The following KCNMA1 variants were observed in gnomAD, a reference collection of about 807,000 sequenced individuals.
KCNMA1 encodes the protein Calcium-activated potassium channel subunit alpha-1.
KCNMA1 carries 29 observed loss-of-function variants against 140.0 expected under a neutral mutation model. The ratio of observed to expected loss-of-function variants is 0.21; its 90% CI spans 0.15 to 0.28. The LOEUF is 0.28. KCNMA1 is among the 10% of genes least tolerant of loss of function. The probability of loss-of-function intolerance (pLI) is 1.00; values close to 1 mark genes in which losing one functional copy is unlikely to be tolerated. For synonymous variants in KCNMA1, 612 were observed against 611.9 expected (o/e 1.00, Z 0.00); for missense variants, 880 against 1,602.2 (o/e 0.55, Z 7.70).
chr10:77,629,858 G>A (rs544884006), intron 1 of KCNMA1, among the ~76,000 whole-genome samples: 8 of 152,302 alleles, frequency 5.3e-5, no homozygotes, highest in East Asian at 3.9e-4. Flanking sequence ...AGGCCGCCAC[G>A]ATGCTAGGTC....
At chr10:77,482,691 C>A (rs2098412191) in intron 1 of KCNMA1, among the ~76,000 whole-genome samples, 5 of 152,114 alleles carry the variant, frequency 3.3e-5, no homozygotes, top group Admixed American at 2.6e-4. Context: ...CCACAGAGAA[C>A]AAGAAGAGCT....
At chr10:77,472,834 C>T (rs1426433597) in intron 1 of KCNMA1, among the ~76,000 whole-genome samples, 4 of 152,202 alleles carry the variant, frequency 2.6e-5, no homozygotes, top group Non-Finnish European at 5.9e-5. Context: ...ACAAAGGAGG[C>T]AGGTGGAACC....
intron 7 of KCNMA1, among the ~76,000 whole-genome samples, chr10:77,110,986 A>C (rs978643329): frequency 6.6e-6 from 1 of 152,214 alleles, no homozygotes; most frequent in African/African-American, 2.4e-5. Context: ...AACAGCTTGC[A>C]CTGGCACAGC....
At chr10:77,597,936 C>T (rs544316634) in intron 1 of KCNMA1, among the ~76,000 whole-genome samples, 1 of 152,286 alleles carries the variant, frequency 6.6e-6, no homozygotes, top group South Asian at 2.1e-4. Context: ...TTATCATTGG[C>T]TGCATTCACT....
intron 22 of KCNMA1, among the ~76,000 whole-genome samples, chr10:76,946,850 C>T (rs1029248112): frequency 3.9e-5 from 6 of 152,170 alleles, no homozygotes; most frequent in African/African-American, 1.2e-4. Context: ...ACATAGAAAT[C>T]GCTTATGTTT....
chr10:76,954,769 C>T (rs1453441849), intron 20 of KCNMA1, among the ~76,000 whole-genome samples: 1 of 152,174 alleles, frequency 6.6e-6, no homozygotes, highest in Admixed American at 6.5e-5. Context: ...GCAACATTCG[C>T]CCTCTATTGC....
At chr10:77,470,012 T>C (rs1441200348) in intron 1 of KCNMA1, among the ~76,000 whole-genome samples, 2 of 152,204 alleles carry the variant, frequency 1.3e-5, no homozygotes. Flanking sequence ...CTAACAATGC[T>C]GCCAAGATTC....
At chr10:77,376,137 C>T (rs186184226) in intron 2 of KCNMA1, among the ~76,000 whole-genome samples, 2 of 152,350 alleles carry the variant, frequency 1.3e-5, no homozygotes, top group African/African-American at 4.8e-5. Flanking sequence ...GCTCTTGCTG[C>T]TGGCATGGCC....
intron 1 of KCNMA1, among the ~76,000 whole-genome samples, chr10:77,431,694 A>G (rs1001595937): frequency 9.5e-5 from 7 of 73,496 alleles, no homozygotes; most frequent in African/African-American, 3.4e-4. Flanking sequence ...AAAAAAAAAA[A>G]AAAAAAAAAA....
chr10:77,368,273 G>T (rs2094484511), intron 2 of KCNMA1, among the ~76,000 whole-genome samples: 1 of 152,222 alleles, frequency 6.6e-6, no homozygotes, highest in Non-Finnish European at 1.5e-5. Context: ...GCTTACACTT[G>T]CATTTCCCTA....
chr10:77,628,709 A>G (rs1352420496), intron 1 of KCNMA1, among the ~76,000 whole-genome samples: 2 of 151,982 alleles, frequency 1.3e-5, no homozygotes, highest in African/African-American at 2.4e-5. Flanking sequence ...CCCTTCCCCA[A>G]GTAAAAGTCA....
At chr10:76,908,804 G>C (rs1224579487) in intron 25 of KCNMA1, among the ~76,000 whole-genome samples, 1 of 152,190 alleles carries the variant, frequency 6.6e-6, no homozygotes, top group Non-Finnish European at 1.5e-5. Context: ...TTGAGAATTT[G>C]AGAACTCCAA....
intron 1 of KCNMA1, among the ~76,000 whole-genome samples, chr10:77,457,613 C>T (rs2097782237): frequency 6.6e-6 from 1 of 152,084 alleles, no homozygotes; most frequent in African/African-American, 2.4e-5. Context: ...CTTTTTATCT[C>T]CTTGGACACC....
At chr10:77,323,062 T>C (rs561221868) in intron 2 of KCNMA1, among the ~76,000 whole-genome samples, 16 of 152,328 alleles carry the variant, frequency 1.1e-4, no homozygotes, top group Non-Finnish European at 2.1e-4. Flanking sequence ...CTGTTCCTCA[T>C]GTCAACTCTT....
At chr10:76,996,367 G>T (rs796109971) in intron 19 of KCNMA1, among the ~76,000 whole-genome samples, 33 of 152,330 alleles carry the variant, frequency 2.2e-4, no homozygotes, top group African/African-American at 6.7e-4. Flanking sequence ...AGTGGCTTCT[G>T]TAGCCTCACC....
intron 3 of KCNMA1, among the ~76,000 whole-genome samples, chr10:77,211,937 C>CA (rs1420551881): frequency 6.6e-6 from 1 of 152,074 alleles, no homozygotes; most frequent in African/African-American, 2.4e-5. Flanking sequence ...ACTAAAAAAT[C>CA]AAAAAACAAC....
chr10:77,306,549 T>C (rs1333313006), intron 2 of KCNMA1, among the ~76,000 whole-genome samples: 1 of 152,132 alleles, frequency 6.6e-6, no homozygotes, highest in Non-Finnish European at 1.5e-5. Context: ...ACAACACATA[T>C]AGGATATAAT....
At chr10:77,550,442 C>T (rs557431101) in intron 1 of KCNMA1, among the ~76,000 whole-genome samples, 32 of 152,110 alleles carry the variant, frequency 2.1e-4, no homozygotes, top group African/African-American at 7.5e-4. Context: ...TGGGATTTCA[C>T]CCTATTCTTT....
chr10:77,049,564 T>A (rs940300309), intron 14 of KCNMA1, among the ~76,000 whole-genome samples: 1 of 152,216 alleles, frequency 6.6e-6, no homozygotes, highest in African/African-American at 2.4e-5. Flanking sequence ...CAGCTCTGTA[T>A]CTTCTAGAAG....
Sources: allele counts gnomAD v4.1 joint callset (sites outside exome capture counted in the v4.1 genomes callset), GRCh38; gene constraint gnomAD v4.1.1; transcripts MANE v1.5; gene names NCBI Gene and HGNC (gene_info 2026-07-23, HGNC 2026-07-21).